Variants in CCDC158 observed in about 807,000 individuals in gnomAD.
The protein encoded by CCDC158 is coiled-coil domain containing 158.
In CCDC158, 116 loss-of-function variants were observed where a neutral mutation model predicts 138.6. The ratio of observed to expected loss-of-function variants is 0.84; its 90% CI spans 0.72 to 0.98. CCDC158 has a LOEUF of 0.98. CCDC158 is among the 50% of genes least tolerant of loss of function. The pLI is 0.00. For synonymous variants in CCDC158, 436 were observed against 442.4 expected (o/e 0.99, Z 0.18); for missense variants, 1,265 against 1,306.1 (o/e 0.97, Z 0.48).
intron 18 of CCDC158, among the ~76,000 whole-genome samples, chr4:76,337,632 T>G (rs906589147): frequency 6.6e-6 from 1 of 151,356 alleles, no homozygotes; most frequent in Non-Finnish European, 1.5e-5. Flanking sequence ...CTTAGGAGGC[T>G]GAAGCAGGAG....
At position 76,383,572 on chromosome 4, in the gene CCDC158, A is replaced by C. The variant is rs1456536073; in HGVS notation, c.803+90T>G. 3 of 863,790 alleles carry C rather than the reference A, an allele frequency of 3.5e-6. No homozygotes were observed. The Admixed American group carries it at 5.9e-5, about 17-fold the overall frequency. The allele number at this position is 863,790 out of a possible 1,614,324, so 53.5% of individuals were successfully genotyped here. A position where few individuals can be genotyped will look rare whatever the true frequency, so the allele number is the denominator to read the frequency against. On this transcript the variant is annotated intron_variant, in intron 7 of 24. Transcript: ENST00000682701. Reference sequence around the variant, plus strand: ...CTATAAAAAAACTTATGTGTTTCAGAGCTGTTTAGATTTTGGAATTGTGGC... The same window carrying C: ...CTATAAAAAAACTTATGTGTTTCAGCGCTGTTTAGATTTTGGAATTGTGGC...
chr4:76,379,202 TC>T, intron 9 of CCDC158, 87 bp downstream of exon 9: 1 of 626,890 alleles, frequency 1.6e-6, no homozygotes, highest in Non-Finnish European at 2.6e-6. Flanking sequence ...TTACTTTGAT[TC>T]CTTATTTTCA....
intron 13 of CCDC158, 131 bp downstream of exon 13, chr4:76,361,995 T>C (rs1724189165): frequency 1.5e-6 from 1 of 651,590 alleles, no homozygotes; most frequent in South Asian, 2.2e-5. Context: ...AATAACTCCA[T>C]GGGGGCAGCA....
chr4:76,343,395 A>C (rs1303360154), intron 18 of CCDC158, among the ~76,000 whole-genome samples: 5 of 152,246 alleles, frequency 3.3e-5, no homozygotes, highest in African/African-American at 1.2e-4. Context: ...ATGAATGGAC[A>C]TCCAAGGGTC....
intron 4 of CCDC158, 40 bp downstream of exon 4, chr4:76,396,229 C>T: frequency 1.4e-6 from 2 of 1,435,770 alleles, no homozygotes; most frequent in Non-Finnish European, 1.9e-6. Flanking sequence ...CACTGTTGTC[C>T]CCCAAATAGC....
At chr4:76,352,991 G>T in intron 16 of CCDC158, 132 bp downstream of exon 16, 1 of 690,952 alleles carries the variant, frequency 1.4e-6, no homozygotes, top group Non-Finnish European at 2.3e-6. Flanking sequence ...TTTCCTTTGT[G>T]CTAGGTGATT....
chr4:76,345,704 G>C, intron 18 of CCDC158: 1 of 602,102 alleles, frequency 1.7e-6, no homozygotes, highest in Non-Finnish European at 3.0e-6. Flanking sequence ...AAAATTATGT[G>C]AATAAATATT....
At chr4:76,378,577 G>A (rs925105470) in intron 9 of CCDC158, among the ~76,000 whole-genome samples, 1 of 152,122 alleles carries the variant, frequency 6.6e-6, no homozygotes, top group African/African-American at 2.4e-5. Flanking sequence ...ACTGTCCCAG[G>A]CAAGCCGCCT....
At chr4:76,396,763 C>T (rs1181358278) in intron 3 of CCDC158, among the ~76,000 whole-genome samples, 1 of 151,994 alleles carries the variant, frequency 6.6e-6, no homozygotes, top group Non-Finnish European at 1.5e-5. Flanking sequence ...GACCTCCTGA[C>T]CTCAGGTGAG....
chr4:76,364,203 C>T (rs1724429585), intron 12 of CCDC158, among the ~76,000 whole-genome samples: 1 of 152,226 alleles, frequency 6.6e-6, no homozygotes, highest in Non-Finnish European at 1.5e-5. Context: ...GTCACCATGT[C>T]TTTCCCTGTC....
chr4:76,357,599 GTAAT>G (rs1723705557), intron 13 of CCDC158, 73 bp from the exon 14 acceptor site: 1 of 957,256 alleles, frequency 1.0e-6, no homozygotes, highest in South Asian at 2.8e-5. Flanking sequence ...TATTTTATTT[GTAAT>G]TAATGATCAC....
At chr4:76,352,504 T>C (rs1723147608) in intron 16 of CCDC158, 1 of 152,170 alleles carries the variant, frequency 6.6e-6, no homozygotes, top group Admixed American at 6.5e-5. Context: ...GTAGCAGAGA[T>C]GAGATCCCAG....
intron 9 of CCDC158, among the ~76,000 whole-genome samples, chr4:76,378,225 TG>T (rs1312573468): frequency 6.6e-6 from 1 of 152,116 alleles, no homozygotes; most frequent in Non-Finnish European, 1.5e-5. Flanking sequence ...GTAATTAAAA[TG>T]GGGTGCCCAA....
Position 76,351,889 on chromosome 4 carries a change from G to C in CCDC158, c.2446-77C>G. The C allele has an allele frequency of 4.8e-6, 4 of 831,798 alleles. No individual in the cohort carries two copies. The Admixed American group carries it at 6.8e-5, about 14-fold the overall frequency. The allele number at this position is 831,798 out of a possible 1,614,324, so 51.5% of individuals were successfully genotyped here. ...TATTTTATTAACCTATGAATGCAGAGCTGCCATCTCTTCAAAAAATCTTCC... is the reference window on the plus strand; with the variant it reads ...TATTTTATTAACCTATGAATGCAGACCTGCCATCTCTTCAAAAAATCTTCC... On this transcript the variant is annotated intron_variant, in intron 16 of 24. Transcript: ENST00000682701.
At chr4:76,331,458 A>G in intron 20 of CCDC158, 55 bp from the exon 21 acceptor site, 1 of 1,448,680 alleles carries the variant, frequency 6.9e-7, no homozygotes, top group Admixed American at 1.7e-5. Context: ...TTTCCTTACC[A>G]ATATAACAAA....
At chr4:76,314,103 C>T (rs905375126) in intron 24 of CCDC158, among the ~76,000 whole-genome samples, 7 of 152,098 alleles carry the variant, frequency 4.6e-5, no homozygotes, top group Non-Finnish European at 1.0e-4. Context: ...TGGGTCAAAG[C>T]GTAAATGCAC....
Position 76,411,120 on chromosome 4 carries a change from G to A in CCDC158, c.-74+970C>T, listed in dbSNP as rs1032467534. Among the ~76,000 whole-genome samples, 7 of 152,186 alleles carry A rather than the reference G, an allele frequency of 4.6e-5. No homozygotes were observed. The East Asian group carries it at 1.2e-3, about 25-fold the overall frequency. Reference sequence around the variant, plus strand: ...AATAACATGAATAACAATACTATCTGGCAGGGCACAGTGGCTCACGCCTGT... The same window carrying A: ...AATAACATGAATAACAATACTATCTAGCAGGGCACAGTGGCTCACGCCTGT... On this transcript the variant is annotated intron_variant, in intron 2 of 24. Coordinates refer to ENST00000682701, the MANE Select transcript of CCDC158 (RefSeq NM_001394954.1).
intron 24 of CCDC158, among the ~76,000 whole-genome samples, chr4:76,318,962 T>A (rs908579150): frequency 7.2e-5 from 11 of 151,942 alleles, no homozygotes; most frequent in Admixed American, 5.9e-4. Flanking sequence ...ACCCCATCAC[T>A]ACTAAGAATA....
intron 23 of CCDC158, among the ~76,000 whole-genome samples, chr4:76,324,337 G>A (rs1325539448): frequency 6.6e-6 from 1 of 151,814 alleles, no homozygotes; most frequent in Non-Finnish European, 1.5e-5. Flanking sequence ...ACAGGCATGT[G>A]CCACCACGCC....
Sources: gnomAD v4.1 joint callset for allele counts (sites outside exome capture counted in the v4.1 genomes callset) on GRCh38, gnomAD v4.1.1 for gene constraint, MANE v1.5 for transcripts, NCBI Gene and HGNC (gene_info 2026-07-23, HGNC 2026-07-21) for gene names.